Variants in GALNTL6 observed in about 807,000 individuals in gnomAD.
GALNTL6 encodes the protein polypeptide N-acetylgalactosaminyltransferase like 6.
In GALNTL6, 46 loss-of-function variants were observed where a neutral mutation model predicts 73.7. The observed-to-expected ratio is 0.62, with a 90% CI of 0.49 to 0.80. The LOEUF is 0.80. Among genes scored for constraint, GALNTL6 ranks in the 30% least tolerant of loss-of-function variants. The pLI, the probability that GALNTL6 is intolerant of heterozygous loss-of-function variation, is 0.00. For missense variants in GALNTL6, 604 were observed against 755.0 expected (o/e 0.80, Z 2.34); for synonymous variants, 259 against 263.7 (o/e 0.98, Z 0.17).
At chr4:171,835,873 G>C (rs1183101810) in intron 2 of GALNTL6, among the ~76,000 whole-genome samples, 1 of 151,866 alleles carries the variant, frequency 6.6e-6, no homozygotes, top group Non-Finnish European at 1.5e-5. Context: ...TAACAGTAGT[G>C]ATAATGGTTT....
intron 4 of GALNTL6, among the ~76,000 whole-genome samples, chr4:172,345,280 G>C (rs1413444950): frequency 1.3e-5 from 2 of 151,964 alleles, no homozygotes; most frequent in African/African-American, 2.4e-5. Context: ...AAATAGTAAG[G>C]AGTTTATAAT....
intron 5 of GALNTL6, among the ~76,000 whole-genome samples, chr4:172,351,571 C>A (rs532969270): frequency 6.6e-6 from 1 of 152,206 alleles, no homozygotes; most frequent in South Asian, 2.1e-4. Flanking sequence ...ACTTTTTCTA[C>A]TCCTTTTTAT....
intron 5 of GALNTL6, among the ~76,000 whole-genome samples, chr4:172,774,660 T>C (rs1560943951): frequency 6.6e-6 from 1 of 152,182 alleles, no homozygotes; most frequent in Non-Finnish European, 1.5e-5. Flanking sequence ...GGGAGGTATT[T>C]TTTTAAAATG....
At chr4:172,617,964 C>T (rs371682054) in intron 5 of GALNTL6, among the ~76,000 whole-genome samples, 6 of 152,160 alleles carry the variant, frequency 3.9e-5, no homozygotes, top group African/African-American at 1.4e-4. Flanking sequence ...TTATTAATTC[C>T]TCCATCTGGA....
At chr4:172,552,837 T>TCAAAAAAAAAAAAAAAA (rs1206029152) in intron 5 of GALNTL6, among the ~76,000 whole-genome samples, 1 of 80,410 alleles carries the variant, frequency 1.2e-5, no homozygotes, top group African/African-American at 5.9e-5. Context: ...GTAATTGCAG[T>TCAAAAAAAAAAAAAAAA]AAAAAAAAAA....
At chr4:172,345,557 G>A (rs1376524750) in intron 4 of GALNTL6, among the ~76,000 whole-genome samples, 1 of 152,104 alleles carries the variant, frequency 6.6e-6, no homozygotes, top group Non-Finnish European at 1.5e-5. Context: ...CTTCCTAACT[G>A]AACATAAATA....
chr4:171,998,378 G>A (rs1342519681), intron 2 of GALNTL6, among the ~76,000 whole-genome samples: 2 of 152,120 alleles, frequency 1.3e-5, no homozygotes, highest in Non-Finnish European at 2.9e-5. Flanking sequence ...TCCTGGGCTT[G>A]TGAATGTCAG....
At chr4:172,592,770 C>T (rs1243936326) in intron 5 of GALNTL6, among the ~76,000 whole-genome samples, 2 of 151,966 alleles carry the variant, frequency 1.3e-5, no homozygotes, top group Non-Finnish European at 2.9e-5. Context: ...TTCACCTCTT[C>T]CTTAGCTGAT....
intron 2 of GALNTL6, among the ~76,000 whole-genome samples, chr4:171,898,743 T>A (rs892238424): frequency 2.0e-5 from 3 of 152,084 alleles, no homozygotes; most frequent in Non-Finnish European, 4.4e-5. Context: ...TAGTTTTTTT[T>A]AATTTTATTT....
At chr4:172,208,408 T>C (rs1208485046) in intron 2 of GALNTL6, among the ~76,000 whole-genome samples, 1 of 152,080 alleles carries the variant, frequency 6.6e-6, no homozygotes, top group Non-Finnish European at 1.5e-5. Flanking sequence ...CATAATTAAA[T>C]AAAAGAAAAT....
chr4:171,821,665 A>G (rs1035776356), intron 2 of GALNTL6, among the ~76,000 whole-genome samples: 1 of 136,916 alleles, frequency 7.3e-6, no homozygotes, highest in African/African-American at 2.6e-5. Flanking sequence ...ATATATATAT[A>G]TAGTTATTAC....
At chr4:172,974,998 A>T (rs1056881425) in intron 10 of GALNTL6, among the ~76,000 whole-genome samples, 1 of 152,208 alleles carries the variant, frequency 6.6e-6, no homozygotes, top group African/African-American at 2.4e-5. Flanking sequence ...TATGTCTGGG[A>T]TCCCCAAAGG....
At chr4:172,936,196 T>C (rs907479213) in intron 9 of GALNTL6, among the ~76,000 whole-genome samples, 6 of 152,194 alleles carry the variant, frequency 3.9e-5, no homozygotes, top group Admixed American at 1.3e-4. Context: ...ATTATCTCAA[T>C]ATATGCAGAA....
At chr4:172,836,292 A>G (rs1467190029) in intron 7 of GALNTL6, among the ~76,000 whole-genome samples, 1 of 152,204 alleles carries the variant, frequency 6.6e-6, no homozygotes, top group African/African-American at 2.4e-5. Flanking sequence ...CCCTGTGACT[A>G]CCACAGCCAG....
intron 12 of GALNTL6, among the ~76,000 whole-genome samples, chr4:173,032,946 G>C (rs1425686055): frequency 6.6e-6 from 1 of 152,206 alleles, no homozygotes; most frequent in East Asian, 1.9e-4. Flanking sequence ...GCTGTAGCCA[G>C]CACCGTCTCA....
At chr4:171,909,771 C>T (rs1284925746) in intron 2 of GALNTL6, among the ~76,000 whole-genome samples, 1 of 152,088 alleles carries the variant, frequency 6.6e-6, no homozygotes, top group African/African-American at 2.4e-5. Context: ...TATTAAAATG[C>T]TTTTCTATTT....
intron 2 of GALNTL6, among the ~76,000 whole-genome samples, chr4:171,966,759 T>A (rs1739394354): frequency 6.6e-6 from 1 of 152,204 alleles, no homozygotes; most frequent in Non-Finnish European, 1.5e-5. Context: ...AATTCTTGAT[T>A]CCAAATCCAT....
intron 8 of GALNTL6, among the ~76,000 whole-genome samples, chr4:172,896,021 C>T (rs1178511607): frequency 6.6e-6 from 1 of 152,164 alleles, no homozygotes; most frequent in Admixed American, 6.6e-5. Context: ...TTTGGATTAA[C>T]TATCTGTATT....
chr4:172,753,887 A>G (rs1290427392), intron 5 of GALNTL6, among the ~76,000 whole-genome samples: 1 of 152,148 alleles, frequency 6.6e-6, no homozygotes, highest in Non-Finnish European at 1.5e-5. Context: ...GAGGCCCTTA[A>G]CTACAAAGAT....
Sources: allele counts gnomAD v4.1 joint callset (sites outside exome capture counted in the v4.1 genomes callset), GRCh38; gene constraint gnomAD v4.1.1; transcripts MANE v1.5; gene names NCBI Gene and HGNC (gene_info 2026-07-23, HGNC 2026-07-21).